DECR2: variants seen among roughly 807,000 people sequenced by gnomAD.
The protein encoded by DECR2 is 2,4-dienoyl-CoA reductase 2, also known as peroxisomal 2,4-dienoyl-CoA reductase [(3E)-enoyl-CoA-producing].
A neutral mutation model predicts 29.2 loss-of-function variants in DECR2; 34 were observed. The ratio of observed to expected loss-of-function variants is 1.16; its 90% CI spans 0.89 to 1.55. The LOEUF is 1.55. DECR2 is among the 40% of genes most tolerant of loss of function. The pLI is 0.00. For missense variants in DECR2, 485 were observed against 425.3 expected, an observed-to-expected ratio of 1.14 and a Z score of -1.23; for synonymous variants, 224 against 182.7, an observed-to-expected ratio of 1.23 and a Z score of -1.82.
chr16:407,592 C>T, intron 4 of DECR2, 32 bp downstream of exon 4: 1 of 1,611,310 alleles, frequency 6.2e-7, no homozygotes, highest in Non-Finnish European at 8.5e-7. Flanking sequence ...TTGGTGGCTT[C>T]TCACAGGTTG....
chr16:407,170 G>C (rs2054735166), intron 3 of DECR2: 1 of 1,311,268 alleles, frequency 7.6e-7, no homozygotes, highest in African/African-American at 1.5e-5. Flanking sequence ...GCAGGACATG[G>C]GTGACAGTGG....
chr16:407,811 CTCTGTCTTCGGCCGCA>C (rs1401635282), intron 4 of DECR2, among the ~76,000 whole-genome samples: 1 of 146,658 alleles, frequency 6.8e-6, no homozygotes, highest in Non-Finnish European at 1.5e-5. Context: ...GTCTCCGGGC[CTCTGTCTTCGGCCGCA>C]TCTCCGGCCC....
chr16:407,530 G>C lies in DECR2; in HGVS notation c.307G>C (p.Glu103Gln). Residue 103 changes from glutamate to glutamine, a missense_variant, in exon 4 of 9, where the codon GAG becomes CAG. By Grantham distance (29) the Glu-to-Gln change is conservative. Transcript: ENST00000219481. ...VMAAVDQALK[E>Q]FGRIDILINC... is the part of the protein sequence containing the mutation. Reference sequence around the variant, plus strand: ...GGCCGCCGTGGACCAGGCTCTGAAGGAGTTTGGCAGAATCGACATTCTCAT... The same window carrying C: ...GGCCGCCGTGGACCAGGCTCTGAAGCAGTTTGGCAGAATCGACATTCTCAT... 3 of 1,614,082 alleles carry C rather than the reference G, an allele frequency of 1.9e-6. No homozygotes were observed. The highest frequency in any genetic ancestry group is 2.5e-6 in the Non-Finnish European group (3 of 1,179,928).
intron 4 of DECR2, chr16:409,966 G>T (rs2054790907): frequency 4.2e-6 from 2 of 470,676 alleles, no homozygotes; most frequent in East Asian, 3.4e-5. Context: ...AGTGTAATTC[G>T]ATTATCTCTG....
At position 404,805 on chromosome 16, in the gene DECR2, T is replaced by G. The variant is rs560453830; in HGVS notation, c.81-151T>G. On this transcript the variant is annotated intron_variant, in intron 1 of 8. Coordinates refer to ENST00000219481, the MANE Select transcript of DECR2 (RefSeq NM_020664.4). ...CCACCACGCCCAGCTGATTTTTGTATTTTTAGTAGAGACGAGGTTTTACCA... is the reference window on the plus strand; with the variant it reads ...CCACCACGCCCAGCTGATTTTTGTAGTTTTAGTAGAGACGAGGTTTTACCA... 177 of 694,728 alleles carry G rather than the reference T, an allele frequency of 2.5e-4. No homozygotes were observed. The African/African-American group carries it at 3.0e-3, about 12-fold the overall frequency. 43.0% of individuals were successfully genotyped at this position (694,728 alleles called of 1,614,324 possible).
In DECR2 at chr16:410,961, C is replaced by A. The variant is rs774579702; in HGVS notation, c.557-11C>A. The A allele has an allele frequency of 3.1e-6, 5 of 1,589,610 alleles. No individual in the cohort carries two copies. The highest frequency in any genetic ancestry group is 1.7e-4 in the Middle Eastern group (1 of 6,038). On this transcript the variant is annotated splice_polypyrimidine_tract_variant and intron_variant, in intron 6 of 8. Transcript: ENST00000219481. This position sits in a 1 kb window ranked among gnomAD's most constrained non-coding sequence, Gnocchi z 4.1. ...GAGCGGCCCTTTCATATCCAACTTT[C>A]TTCTGTGCAGACGCGATGACGCGGC...
rs1463871248 is a variant in DECR2 at position 411,778 on chromosome 16, G to GCGGCCT, written c.*1-104_*1-99dup. 7.1e-6 allele frequency: 4 copies of GCGGCCT among 562,526 alleles called. No homozygotes were observed. The East Asian group carries it at 1.3e-4, about 18-fold the overall frequency. 34.8% of individuals were successfully genotyped at this position (562,526 alleles called of 1,614,324 possible). On this transcript the variant is annotated intron_variant, in intron 8 of 8. Transcript: ENST00000219481. Reference sequence around the variant, plus strand: ...GCGCTGGTGTACTTGCTCTTCTGTAGCGGCCTCGGCCTCTGCCGGCATTTC... The same window carrying GCGGCCT: ...GCGCTGGTGTACTTGCTCTTCTGTAGCGGCCTCGGCCTCGGCCTCTGCCGGCATTTC...
chr16:410,504 C>G lies in DECR2; in HGVS notation c.462+137C>G, dbSNP rs3743893. On this transcript the variant is annotated intron_variant, in intron 5 of 8. Transcript: ENST00000219481. This position sits in a 1 kb window ranked among gnomAD's most constrained non-coding sequence, Gnocchi z 4.1. The stretch of plus-strand genomic sequence containing the variant: ...GTGGGTGTACTCCCAGCGGGGGCCT[C>G]CCCCTGACGGCCGCCCGCTCCCTGC... 21 of 1,162,256 alleles carry G rather than the reference C, an allele frequency of 1.8e-5. 6 individuals carry two copies. Among genetic ancestry groups the G allele is most frequent in the East Asian group, 1.1e-4 (4 of 37,624 alleles). The allele number at this position is 1,162,256 out of a possible 1,614,324, so 72.0% of individuals were successfully genotyped here.
intron 2 of DECR2, chr16:405,721 G>A (rs907331848): frequency 1.2e-5 from 9 of 721,962 alleles, no homozygotes; most frequent in South Asian, 8.9e-5. Flanking sequence ...GCTGTGAGAC[G>A]GGCGTCTCCA....
At chr16:406,534 G>A in intron 3 of DECR2, 137 bp downstream of exon 3, 2 of 825,694 alleles carry the variant, frequency 2.4e-6, no homozygotes, top group Non-Finnish European at 3.8e-6. Context: ...GTCTCGCTCT[G>A]TCACCCAGGC....
At chr16:403,248 G>A (rs563695682) in intron 1 of DECR2, among the ~76,000 whole-genome samples, 2 of 152,006 alleles carry the variant, frequency 1.3e-5, no homozygotes, top group South Asian at 2.1e-4. Context: ...TGGAACTCCT[G>A]ACCTCAGATG....
Position 410,215 on chromosome 16 carries a change from G to A in DECR2, c.338-28G>A, listed in dbSNP as rs1312181435. On this transcript the variant is annotated intron_variant, in intron 4 of 8. Transcript: ENST00000219481. This position sits in a 1 kb window ranked among gnomAD's most constrained non-coding sequence, Gnocchi z 4.1. Reference sequence around the variant, plus strand: ...TTGGCATCCCTCTCCCCAGGCTCCAGCAGCTCCTGCGGTCTCCCATTCTGC... The same window carrying A: ...TTGGCATCCCTCTCCCCAGGCTCCAACAGCTCCTGCGGTCTCCCATTCTGC... 6.2e-7 allele frequency: 1 copy of A among 1,607,278 alleles called. No homozygotes were observed.
intron 3 of DECR2, chr16:406,993 T>C: frequency 3.9e-6 from 4 of 1,018,868 alleles, no homozygotes; most frequent in Non-Finnish European, 4.7e-6. Context: ...TTTTAAAAAA[T>C]CTAGTTATTG....
At chr16:405,631 G>A (rs1479835640) in intron 2 of DECR2, 1 of 1,296,966 alleles carries the variant, frequency 7.7e-7, no homozygotes, top group Non-Finnish European at 1.0e-6. Flanking sequence ...AGAAACCAAA[G>A]AACAAGGCAG....
rs192629037 is a variant in DECR2 at position 405,642 on chromosome 16, A to G, written c.149+618A>G. On this transcript the variant is annotated intron_variant, in intron 2 of 8. Coordinates refer to ENST00000219481, the MANE Select transcript of DECR2 (RefSeq NM_020664.4). Reference sequence around the variant, plus strand: ...GCCGAGAAACCAAAGAACAAGGCAGACAGATCCCGTTTGTCTGTGTCAGGT... The same window carrying G: ...GCCGAGAAACCAAAGAACAAGGCAGGCAGATCCCGTTTGTCTGTGTCAGGT... The G allele has an allele frequency of 2.1e-5, 27 of 1,289,580 alleles. No homozygotes were observed. The Middle Eastern group carries it at 6.4e-4, about 31-fold the overall frequency. The allele number at this position is 1,289,580 out of a possible 1,614,324, so 79.9% of individuals were successfully genotyped here.
intron 4 of DECR2, among the ~76,000 whole-genome samples, chr16:407,797 CT>C (rs2054746726): frequency 6.8e-3 from 13 of 1,920 alleles, no homozygotes; most frequent in South Asian, 0.034. Flanking sequence ...TGTCTCCGGG[CT>C]CTGTCTCCGG....
intron 4 of DECR2, chr16:409,655 C>T (rs148489390): frequency 6.6e-6 from 1 of 152,312 alleles, no homozygotes; most frequent in Non-Finnish European, 1.5e-5. Context: ...CCTGGGCTAA[C>T]AGAGTACTAC....
rs1013509310 is a variant in DECR2 at position 409,999 on chromosome 16, A to G, written c.338-244A>G. 9.4e-6 allele frequency: 5 copies of G among 531,962 alleles called. No individual in the cohort carries two copies. The African/African-American group carries it at 9.5e-5, about 10-fold the overall frequency. The allele number at this position is 531,962 out of a possible 1,614,324, so 33.0% of individuals were successfully genotyped here. On this transcript the variant is annotated intron_variant, in intron 4 of 8. Coordinates refer to ENST00000219481, the MANE Select transcript of DECR2 (RefSeq NM_020664.4). The stretch of plus-strand genomic sequence containing the variant: ...CTGCAACCCACCCCATTTCCAAACA[A>G]GGCCACAGTCGCAGGTACGGAGCCA...
intron 4 of DECR2, among the ~76,000 whole-genome samples, chr16:409,436 C>T (rs1597205166): frequency 2.6e-5 from 4 of 151,866 alleles, no homozygotes. Context: ...TCCCAAAGTG[C>T]TGGGATTACA....
Sources: allele counts gnomAD v4.1 joint callset (sites outside exome capture counted in the v4.1 genomes callset), GRCh38; gene constraint gnomAD v4.1.1; non-coding constraint Gnocchi (gnomAD v3.1); transcripts MANE v1.5; gene names NCBI Gene and HGNC (gene_info 2026-07-23, HGNC 2026-07-21).